Variants in PDE4D observed in about 807,000 individuals in gnomAD.
PDE4D encodes 3',5'-cyclic-AMP phosphodiesterase 4D.
Under a neutral mutation model 87.4 loss-of-function variants are expected in PDE4D, and 24 were observed. That is an observed-to-expected ratio of 0.27 (90% CI 0.20 to 0.39). The LOEUF (loss-of-function observed/expected upper bound fraction) is 0.39. Ranked by LOEUF, PDE4D falls within the 10% of genes least tolerant of loss-of-function variation. The pLI is 1.00. For missense variants in PDE4D, 714 were observed against 1,041.0 expected, an observed-to-expected ratio of 0.69 and a Z score of 4.32; for synonymous variants, 384 against 383.2, an observed-to-expected ratio of 1.00 and a Z score of -0.02.
At chr5:60,265,761 G>C (rs574187770) in intron 1 of PDE4D, among the ~76,000 whole-genome samples, 1 of 152,066 alleles carries the variant, frequency 6.6e-6, no homozygotes, top group Non-Finnish European at 1.5e-5. Flanking sequence ...TTAACACCTT[G>C]CTCCTTCAAA....
intron 1 of PDE4D, among the ~76,000 whole-genome samples, chr5:60,240,475 C>T (rs1247665750): frequency 6.6e-6 from 1 of 152,096 alleles, no homozygotes; most frequent in Non-Finnish European, 1.5e-5. Context: ...CTGCATTCAC[C>T]ACAAGCTGAC....
At chr5:59,925,392 G>C (rs375234692) in intron 3 of PDE4D, among the ~76,000 whole-genome samples, 4 of 151,724 alleles carry the variant, frequency 2.6e-5, no homozygotes, top group African/African-American at 7.3e-5. Context: ...TAAAATTCAA[G>C]AAATTAAAAA....
At chr5:59,249,125 T>TA (rs920304047) in intron 1 of PDE4D, among the ~76,000 whole-genome samples, 1 of 151,966 alleles carries the variant, frequency 6.6e-6, no homozygotes, top group Non-Finnish European at 1.5e-5. Flanking sequence ...TTGCAAAAAG[T>TA]AAAAAACTAT....
At chr5:59,588,833 C>G (rs188415329) in intron 1 of PDE4D, among the ~76,000 whole-genome samples, 1 of 152,252 alleles carries the variant, frequency 6.6e-6, no homozygotes, top group Admixed American at 6.5e-5. Context: ...CCTCATGACC[C>G]CTTTTTGCTA....
chr5:59,649,931 T>TTTTTTTTTTTTTTTTTTTTTTTTTTTTTC (rs1474090994), intron 1 of PDE4D, among the ~76,000 whole-genome samples: 2 of 141,262 alleles, frequency 1.4e-5, no homozygotes, highest in Non-Finnish European at 1.5e-5. Context: ...TTTTTTTTTT[T>TTTTTTTTTTTTTTTTTTTTTTTTTTTTTC]TAGCAATGAC....
intron 1 of PDE4D, among the ~76,000 whole-genome samples, chr5:59,767,943 G>A (rs1763004138): frequency 6.6e-6 from 1 of 152,160 alleles, no homozygotes; most frequent in African/African-American, 2.4e-5. Context: ...ACGCCACTAC[G>A]TACGTATGGG....
chr5:59,008,878 A>G (rs4699932), intron 6 of PDE4D, among the ~76,000 whole-genome samples: 15,724 of 152,142 alleles, frequency 0.1, 1,285 homozygotes, highest in East Asian at 0.47. Flanking sequence ...TTACAACACA[A>G]TAAGAGGACA....
chr5:59,540,778 G>T (rs1816196378), intron 1 of PDE4D, among the ~76,000 whole-genome samples: 1 of 152,134 alleles, frequency 6.6e-6, no homozygotes, highest in Non-Finnish European at 1.5e-5. Context: ...TAAACATTTT[G>T]CAGAGCTGAT....
chr5:58,986,293 T>C (rs1295863668), intron 11 of PDE4D, among the ~76,000 whole-genome samples: 1 of 152,208 alleles, frequency 6.6e-6, no homozygotes, highest in Non-Finnish European at 1.5e-5. Flanking sequence ...CTTTAGAGTA[T>C]CAGATTCATC....
chr5:60,368,293 T>C (rs1760725158), intron 1 of PDE4D, among the ~76,000 whole-genome samples: 1 of 152,172 alleles, frequency 6.6e-6, no homozygotes, highest in Non-Finnish European at 1.5e-5. Flanking sequence ...ATTGCAGTTG[T>C]CTAGGAATGC....
intron 1 of PDE4D, among the ~76,000 whole-genome samples, chr5:59,773,443 AACACTAAATT>A (rs1763774436): frequency 6.6e-6 from 1 of 152,182 alleles, no homozygotes; most frequent in Admixed American, 6.5e-5. Context: ...TGATCTAGTT[AACACTAAATT>A]TTGCCCTTGG....
At chr5:59,062,266 A>T (rs1763239891) in intron 5 of PDE4D, among the ~76,000 whole-genome samples, 1 of 152,128 alleles carries the variant, frequency 6.6e-6, no homozygotes, top group African/African-American at 2.4e-5. Context: ...ATTTGTATTA[A>T]CTCATCTATT....
chr5:60,244,439 G>T (rs1562253066), intron 1 of PDE4D, among the ~76,000 whole-genome samples: 1 of 151,426 alleles, frequency 6.6e-6, no homozygotes, highest in Non-Finnish European at 1.5e-5. Flanking sequence ...TACAGAAATA[G>T]AAAAAAAATC....
intron 2 of PDE4D, among the ~76,000 whole-genome samples, chr5:60,070,313 T>C (rs1224270895): frequency 2.6e-5 from 4 of 152,086 alleles, no homozygotes; most frequent in African/African-American, 9.7e-5. Context: ...ATGACGTTAG[T>C]GATGGGCATT....
chr5:60,358,698 G>A (rs1208079225), intron 1 of PDE4D, among the ~76,000 whole-genome samples: 1 of 152,098 alleles, frequency 6.6e-6, no homozygotes, highest in African/African-American at 2.4e-5. Flanking sequence ...CCCCTTAGCA[G>A]CAAAATATAA....
At chr5:59,544,340 G>A (rs1816898772) in intron 1 of PDE4D, among the ~76,000 whole-genome samples, 1 of 152,140 alleles carries the variant, frequency 6.6e-6, no homozygotes. Flanking sequence ...GAGGTGCTTG[G>A]TCCTTAGAGT....
At chr5:60,030,803 AG>A (rs1387269445) in intron 2 of PDE4D, 8 of 152,232 alleles carry the variant, frequency 5.3e-5, no homozygotes, top group African/African-American at 1.9e-4. Flanking sequence ...CTACCTCGTA[AG>A]GAAAATCTAC....
chr5:59,654,703 C>A (rs1744075617), intron 1 of PDE4D, among the ~76,000 whole-genome samples: 1 of 151,884 alleles, frequency 6.6e-6, no homozygotes, highest in South Asian at 2.1e-4. Context: ...TTCAGTACAC[C>A]CCCCAAACCC....
chr5:60,218,307 C>G (rs1744106183), intron 1 of PDE4D, among the ~76,000 whole-genome samples: 1 of 151,846 alleles, frequency 6.6e-6, no homozygotes. Flanking sequence ...CAGGCAAAAT[C>G]AAGTTATGGT....
Sources: allele counts gnomAD v4.1 joint callset (sites outside exome capture counted in the v4.1 genomes callset), GRCh38; gene constraint gnomAD v4.1.1; transcripts MANE v1.5; gene names NCBI Gene and HGNC (gene_info 2026-07-23, HGNC 2026-07-21).